Variants in CCDC102B observed in about 807,000 individuals in gnomAD.
CCDC102B encodes the protein coiled-coil domain-containing protein 102B.
CCDC102B carries 75 observed loss-of-function variants against 57.4 expected under a neutral mutation model. The observed-to-expected ratio is 1.31, with a 90% CI of 1.08 to 1.58. The LOEUF (loss-of-function observed/expected upper bound fraction) is 1.58. Ranked by LOEUF, CCDC102B falls within the 40% of genes most tolerant of loss-of-function variation. The pLI is 0.00. For synonymous variants in CCDC102B, 206 were observed against 201.9 expected (o/e 1.02, Z -0.17); for missense variants, 636 against 582.6 (o/e 1.09, Z -0.94).
At chr18:68,874,837 G>A (rs757283705) in intron 5 of CCDC102B, 52 bp downstream of exon 5, 15 of 1,121,908 alleles carry the variant, frequency 1.3e-5, no homozygotes, top group Non-Finnish European at 1.7e-5. Context: ...ACTGACTGTT[G>A]TTAAATGCCA....
intron 7 of CCDC102B, among the ~76,000 whole-genome samples, chr18:69,017,333 C>T (rs1225452214): frequency 1.3e-5 from 2 of 151,974 alleles, no homozygotes; most frequent in Non-Finnish European, 2.9e-5. Flanking sequence ...TCATGTTGCC[C>T]AGGCTGGTCT....
chr18:68,977,695 G>A (rs1296232150), intron 6 of CCDC102B, among the ~76,000 whole-genome samples: 1 of 151,862 alleles, frequency 6.6e-6, no homozygotes, highest in East Asian at 1.9e-4. Context: ...ATGAGTCTGT[G>A]GAATATCCTG....
At position 68,874,787 on chromosome 18, in the gene CCDC102B, T is replaced by C. The variant is rs776142857; in HGVS notation, c.1053+2T>C. ...GTGATTTGTGAGTTAAGAGCAGAGG[T>C]AAGACACTGGGTAAAGAGTACCATA... is the stretch of plus-strand genomic sequence containing the variant. On this transcript the variant is annotated splice_donor_variant, in intron 5 of 7. Transcript: ENST00000360242. LOFTEE classifies it high-confidence loss of function. 4 of 1,530,404 alleles carry C rather than the reference T, an allele frequency of 2.6e-6. No homozygotes were observed. The Admixed American group carries it at 5.0e-5, about 19-fold the overall frequency. 94.8% of individuals were successfully genotyped at this position (1,530,404 alleles called of 1,614,324 possible). A position where few individuals can be genotyped will look rare whatever the true frequency, so the allele number is the denominator to read the frequency against.
At chr18:68,787,171 A>T (rs1215417001) in intron 2 of CCDC102B, among the ~76,000 whole-genome samples, 1 of 150,858 alleles carries the variant, frequency 6.6e-6, no homozygotes, top group Non-Finnish European at 1.5e-5. Context: ...CATCCAAGGG[A>T]TGAAGCCCAC....
At chr18:68,997,831 A>G (rs2051072225) in intron 6 of CCDC102B, among the ~76,000 whole-genome samples, 1 of 68,678 alleles carries the variant, frequency 1.5e-5, no homozygotes, top group African/African-American at 3.4e-5. Context: ...ATTATAATTT[A>G]TCATTTATCA....
intron 4 of CCDC102B, among the ~76,000 whole-genome samples, chr18:68,854,729 C>G (rs1228912816): frequency 1.3e-5 from 2 of 152,062 alleles, no homozygotes; most frequent in African/African-American, 4.8e-5. Flanking sequence ...ACCTCGGGAT[C>G]TGACTCTTAG....
At chr18:68,961,573 T>A (rs2145230200) in intron 6 of CCDC102B, among the ~76,000 whole-genome samples, 1 of 152,154 alleles carries the variant, frequency 6.6e-6, no homozygotes, top group East Asian at 1.9e-4. Context: ...GTAGGAAATT[T>A]TCAGCATATC....
At chr18:68,877,227 A>C (rs2039484204) in intron 5 of CCDC102B, among the ~76,000 whole-genome samples, 1 of 152,198 alleles carries the variant, frequency 6.6e-6, no homozygotes, top group Non-Finnish European at 1.5e-5. Context: ...AGAAGAGCTC[A>C]ATGACGATTG....
intron 2 of CCDC102B, among the ~76,000 whole-genome samples, chr18:68,723,781 G>A (rs1401623560): frequency 6.6e-6 from 1 of 152,174 alleles, no homozygotes; most frequent in African/African-American, 2.4e-5. Context: ...GGCTTTTCCA[G>A]CTGCGTGGTA....
At position 68,972,844 on chromosome 18, in the gene CCDC102B, G is replaced by A. The variant is rs569311956; in HGVS notation, c.1264-38090G>A. On this transcript the variant is annotated intron_variant, in intron 6 of 7. Transcript: ENST00000360242. ...TCTCCTTCATCTAATTGTTTTAGACGCCGGTCAAAAATGTTTTATCTTTGT... is the reference window on the plus strand; with the variant it reads ...TCTCCTTCATCTAATTGTTTTAGACACCGGTCAAAAATGTTTTATCTTTGT... Among the ~76,000 whole-genome samples, 30 of 151,902 alleles carry A rather than the reference G, an allele frequency of 2.0e-4. No individual in the cohort carries two copies. In the Middle Eastern group the frequency reaches 0.014, roughly 69 times the overall value.
At chr18:68,769,696 G>T (rs538731145) in intron 2 of CCDC102B, among the ~76,000 whole-genome samples, 2 of 151,618 alleles carry the variant, frequency 1.3e-5, no homozygotes, top group South Asian at 2.1e-4. Flanking sequence ...GGAAGGCTAT[G>T]AGTTACCAAA....
chr18:68,734,871 A>T (rs755329327), intron 2 of CCDC102B: 8 of 152,144 alleles, frequency 5.3e-5, no homozygotes, highest in Non-Finnish European at 8.8e-5. Context: ...ATTATTTAGC[A>T]ATTGAATTTT....
intron 7 of CCDC102B, among the ~76,000 whole-genome samples, chr18:69,052,244 C>A (rs1167869268): frequency 6.6e-6 from 1 of 151,808 alleles, no homozygotes; most frequent in Admixed American, 6.6e-5. Flanking sequence ...TATAAAGAGA[C>A]ATTATACATA....
At chr18:69,027,490 G>A (rs968188535) in intron 7 of CCDC102B, among the ~76,000 whole-genome samples, 6 of 152,058 alleles carry the variant, frequency 3.9e-5, no homozygotes, top group Non-Finnish European at 8.8e-5. Context: ...TTTTCCATAT[G>A]CAACAGGCAA....
At chr18:68,740,955 TCA>T (rs1435895477) in intron 2 of CCDC102B, among the ~76,000 whole-genome samples, 6 of 152,218 alleles carry the variant, frequency 3.9e-5, no homozygotes, top group African/African-American at 1.4e-4. Context: ...AATTTTCCTC[TCA>T]GACTTCAATG....
chr18:69,050,481 A>C (rs17080163), intron 7 of CCDC102B, among the ~76,000 whole-genome samples: 7,644 of 152,278 alleles, frequency 0.05, 665 homozygotes, highest in African/African-American at 0.17. Context: ...TATAGCCAAG[A>C]ATCACTTACA....
intron 7 of CCDC102B, among the ~76,000 whole-genome samples, chr18:69,050,894 A>G (rs1447450490): frequency 1.3e-5 from 2 of 152,142 alleles, no homozygotes; most frequent in Admixed American, 6.6e-5. Flanking sequence ...TAATAAGACT[A>G]TTTATTTTAG....
intron 6 of CCDC102B, chr18:68,900,410 A>G (rs907835809): frequency 1.3e-5 from 2 of 152,076 alleles, no homozygotes; most frequent in Non-Finnish European, 2.9e-5. Flanking sequence ...TTTCCATCCA[A>G]CATTAAAAAA....
chr18:68,821,602 G>A (rs1006147337), intron 1 of CCDC102B, among the ~76,000 whole-genome samples: 1 of 151,644 alleles, frequency 6.6e-6, no homozygotes, highest in Non-Finnish European at 1.5e-5. Flanking sequence ...AATACAGGCA[G>A]CAGAATAATA....
Sources: allele counts gnomAD v4.1 joint callset (sites outside exome capture counted in the v4.1 genomes callset), GRCh38; gene constraint gnomAD v4.1.1; transcripts MANE v1.5; gene names NCBI Gene and HGNC (gene_info 2026-07-23, HGNC 2026-07-21).